TCN1: variants seen among roughly 807,000 people sequenced by gnomAD.
TCN1 encodes transcobalamin 1, also known as transcobalamin-1.
Under a neutral mutation model 46.3 loss-of-function variants are expected in TCN1, and 47 were observed. The ratio of observed to expected loss-of-function variants is 1.01; its 90% CI spans 0.80 to 1.29. TCN1 has a LOEUF of 1.29. Ranked by LOEUF, TCN1 falls within the 50% of genes most tolerant of loss-of-function variation. TCN1 has a pLI of 0.00. For missense variants in TCN1, 532 were observed against 511.0 expected, an observed-to-expected ratio of 1.04 and a Z score of -0.40; for synonymous variants, 183 against 192.5, an observed-to-expected ratio of 0.95 and a Z score of 0.41.
Position 59,854,853 on chromosome 11 carries a change from GC to G in TCN1, c.938-19del. On this transcript the variant is annotated intron_variant, in intron 6 of 8. Transcript: ENST00000257264. ...GAAGTTACCTGGCAGAGACAGAAAAGCCCAGAGCAATATTCAGAAAAATAAA... is the reference window on the plus strand; with the variant it reads ...GAAGTTACCTGGCAGAGACAGAAAAGCCAGAGCAATATTCAGAAAAATAAA... 1 of 1,613,688 alleles carries G rather than the reference GC, an allele frequency of 6.2e-7. No homozygotes were observed. Among genetic ancestry groups the G allele is most frequent in the Non-Finnish European group, 8.5e-7 (1 of 1,179,696 alleles).
Position 59,861,615 on chromosome 11 carries a change from C to T in TCN1, c.468G>A (p.Leu156=), listed in dbSNP as rs1165027116. ...CGGCGGTTGAGTAGTTCCCATTGAA[C>T]AGACACAAGGCCAAAACGTCCAGGC... ...QLSLDVLALC[L]FNGNYSTAEV... The change falls in exon 4 of 9, where the codon CTG becomes CTA. Residue 156 remains leucine, a synonymous_variant. Coordinates refer to ENST00000257264, the MANE Select transcript of TCN1 (RefSeq NM_001062.4). 6.2e-7 allele frequency: 1 copy of T among 1,614,124 alleles called. No homozygotes were observed. Among genetic ancestry groups the T allele is most frequent in the Admixed American group, 1.7e-5 (1 of 60,018 alleles).
intron 7 of TCN1, 117 bp downstream of exon 7, chr11:59,854,535 A>G: frequency 7.2e-6 from 8 of 1,113,544 alleles, no homozygotes; most frequent in Non-Finnish European, 1.1e-5. Flanking sequence ...GATGGACAGC[A>G]AAGCTACTGA....
chr11:59,866,386 A>G lies in TCN1; in HGVS notation c.79+6T>C, dbSNP rs1565215843. 1 of 1,613,206 alleles carries G rather than the reference A, an allele frequency of 6.2e-7. No homozygotes were observed. The highest frequency in any genetic ancestry group is 8.5e-7 in the Non-Finnish European group (1 of 1,179,314). ...CTAGAGTAATTTTAGCTCAAAGTTT[A>G]CTCACCACAAATCTCGCATAGTTGG... On this transcript the variant is annotated splice_donor_region_variant and intron_variant, in intron 1 of 8. Transcript: ENST00000257264.
At chr11:59,864,714 CA>C (rs1853054000) in intron 1 of TCN1, among the ~76,000 whole-genome samples, 1 of 152,064 alleles carries the variant, frequency 6.6e-6, no homozygotes, top group African/African-American at 2.4e-5. Context: ...GGAGGGAAGT[CA>C]CATTATACTG....
Position 59,866,410 on chromosome 11 carries a change from G to T in TCN1, c.61C>A (p.Gln21Lys). Residue 21 changes from glutamine to lysine, a missense_variant, in exon 1 of 9, where the codon CAA becomes AAA. Physicochemically the swap from Gln to Lys is moderately conservative, Grantham distance 53 (BLOSUM62 1). Coordinates refer to ENST00000257264, the MANE Select transcript of TCN1 (RefSeq NM_001062.4). ...TACTCACCACAAATCTCGCATAGTT[G>T]GCTTGGAATAAAAGAAAACAGTAAG... ...GLLLFSFIPSQLCEICEVSEE... is the reference protein window; with the variant it reads ...GLLLFSFIPSKLCEICEVSEE... 1 of 1,613,422 alleles carries T rather than the reference G, an allele frequency of 6.2e-7. No homozygotes were observed.
At chr11:59,862,901 T>G (rs1355394745) in intron 2 of TCN1, among the ~76,000 whole-genome samples, 179 bp from the exon 3 acceptor site, 1 of 152,196 alleles carries the variant, frequency 6.6e-6, no homozygotes, top group Non-Finnish European at 1.5e-5. Context: ...ATTTTGTCAT[T>G]GTGCAAACAT....
At chr11:59,866,284 A>G in intron 1 of TCN1, 108 bp downstream of exon 1, 3 of 1,164,052 alleles carry the variant, frequency 2.6e-6, no homozygotes, top group Non-Finnish European at 2.6e-6. Flanking sequence ...CCAACCACAT[A>G]CGAAACTGGA....
In TCN1 at chr11:59,862,676, C is replaced by CA; in HGVS notation, c.305dup (p.Leu102PhefsTer6). 3.1e-6 allele frequency: 5 copies of CA among 1,613,810 alleles called. No homozygotes were observed. The highest frequency in any genetic ancestry group is 4.2e-6 in the Non-Finnish European group (5 of 1,179,864). Reference sequence around the variant, plus strand: ...TTTCCTCAGCGTTACGACATACTCCCAAAGCCAGTATAATCAAGGCAAGCT... The same window carrying CA: ...TTTCCTCAGCGTTACGACATACTCCCAAAAGCCAGTATAATCAAGGCAAGCT... On this transcript the variant is annotated frameshift_variant, in exon 3 of 9. Coordinates refer to ENST00000257264, the MANE Select transcript of TCN1 (RefSeq NM_001062.4). LOFTEE classifies it high-confidence loss of function.
chr11:59,861,445 C>T, intron 4 of TCN1, 82 bp downstream of exon 4: 4 of 1,464,460 alleles, frequency 2.7e-6, no homozygotes, highest in Non-Finnish European at 3.8e-6. Context: ...AATCCAGGTA[C>T]TTACTGGTAG....
chr11:59,853,482 G>T (rs1019491373), intron 7 of TCN1, among the ~76,000 whole-genome samples, 161 bp from the exon 8 acceptor site: 1 of 152,148 alleles, frequency 6.6e-6, no homozygotes, highest in Non-Finnish European at 1.5e-5. Context: ...TTAGATATGA[G>T]CTGGGGATCA....
In TCN1 at chr11:59,853,244, G is replaced by A. The variant is rs780762247; in HGVS notation, c.1199C>T (p.Thr400Ile). The A allele has an allele frequency of 2.0e-5, 32 of 1,613,938 alleles. No homozygotes were observed. Among genetic ancestry groups the A allele is most frequent in the Non-Finnish European group, 2.5e-5 (29 of 1,180,018 alleles). The change falls in exon 8 of 9, where the codon ACC (threonine) becomes ATC (isoleucine). Residue 400 changes from threonine (T) to isoleucine (I), a missense_variant. Coordinates refer to ENST00000257264, the MANE Select transcript of TCN1 (RefSeq NM_001062.4). Reference sequence around the variant, plus strand: ...GCCTCCACTCAGAAGTTCCCAGTAGGTTCTGTCATTATTGTTGGCACATAG... The same window carrying A: ...GCCTCCACTCAGAAGTTCCCAGTAGATTCTGTCATTATTGTTGGCACATAG... ...QGLCANNNDR[T>I]YWELLSGGEP...
At position 59,856,077 on chromosome 11, in the gene TCN1, G is replaced by A; in HGVS notation, c.748-19C>T. ...AGAGGGCCTAATGAGGCAGGGTGGGGTGGGGGGGTGATGAGAGATAAAGAG... is the reference window on the plus strand; with the variant it reads ...AGAGGGCCTAATGAGGCAGGGTGGGATGGGGGGGTGATGAGAGATAAAGAG... On this transcript the variant is annotated intron_variant, in intron 5 of 8. Transcript: ENST00000257264. 6.9e-7 allele frequency: 1 copy of A among 1,445,498 alleles called. No homozygotes were observed. The highest frequency in any genetic ancestry group is 9.6e-7 in the Non-Finnish European group (1 of 1,036,458). 89.5% of individuals were successfully genotyped at this position (1,445,498 alleles called of 1,614,324 possible). A position where few individuals can be genotyped will look rare whatever the true frequency, so the allele number is the denominator to read the frequency against.
rs115542089 is a variant in TCN1, at chr11:59,856,803, A to T, written c.748-745T>A. Among the ~76,000 whole-genome samples the T allele has an allele frequency of 4.9e-3, 747 of 152,334 alleles. 2 individuals carry two copies. The highest frequency in any genetic ancestry group is 0.017 in the African/African-American group (719 of 41,572). The stretch of plus-strand genomic sequence containing the variant: ...GTCTGACCTCATTTGATTGACAACG[A>T]TGAGGAGGTGTCTGACATTATTTGA... On this transcript the variant is annotated intron_variant, in intron 5 of 8. Transcript: ENST00000257264.
At position 59,862,866 on chromosome 11, in the gene TCN1, A is replaced by G. The variant is rs115442273; in HGVS notation, c.260-144T>C. On this transcript the variant is annotated intron_variant, in intron 2 of 8. Transcript: ENST00000257264. ...TTGTGTCGCTTAATGATAGGGATAA[A>G]TTCTGAGAAACTGGTTGTTAAGCGA... The G allele has an allele frequency of 2.9e-3, 2,700 of 934,170 alleles. 37 individuals are homozygous for G. The highest frequency in any genetic ancestry group is 0.024 in the African/African-American group (1,455 of 60,158). The allele number at this position is 934,170 out of a possible 1,614,324, so 57.9% of individuals were successfully genotyped here.
At chr11:59,856,844 C>T (rs1565213880) in intron 5 of TCN1, among the ~76,000 whole-genome samples, 2 of 152,138 alleles carry the variant, frequency 1.3e-5, no homozygotes, top group Non-Finnish European at 2.9e-5. Flanking sequence ...AATGGGGAGT[C>T]TAATTGTTCA....
At chr11:59,854,326 A>C (rs1025135559) in intron 7 of TCN1, among the ~76,000 whole-genome samples, 3 of 151,494 alleles carry the variant, frequency 2.0e-5, no homozygotes, top group African/African-American at 4.9e-5. Context: ...GGGGTCCGTG[A>C]TTCAAAAAGA....
chr11:59,862,423 CA>C (rs1303660708), intron 3 of TCN1, among the ~76,000 whole-genome samples, 158 bp downstream of exon 3: 5 of 151,886 alleles, frequency 3.3e-5, no homozygotes, highest in Admixed American at 3.3e-4. Flanking sequence ...AAAGAAAATT[CA>C]AGATGCATAC....
At position 59,862,604 on chromosome 11, in the gene TCN1, G is replaced by A. The variant is rs1853026978; in HGVS notation, c.378C>T (p.Phe126=). Residue 126 remains phenylalanine (F), a synonymous_variant, in exon 3 of 9, where the codon TTC becomes TTT. Coordinates refer to ENST00000257264, the MANE Select transcript of TCN1 (RefSeq NM_001062.4). ...TACCCATATTTTCAATTTCTGCTTG[G>A]AATTTATTTTCTAGCTTGTCGATCA... is the stretch of plus-strand genomic sequence containing the variant. ...YHLIDKLENK[F]QAEIENMEAH... is the part of the protein sequence containing the mutation. 6.2e-7 allele frequency: 1 copy of A among 1,613,310 alleles called. No homozygotes were observed. The highest frequency in any genetic ancestry group is 1.7e-5 in the Admixed American group (1 of 59,936).
chr11:59,856,883 T>C (rs181525607), intron 5 of TCN1, among the ~76,000 whole-genome samples: 12 of 152,294 alleles, frequency 7.9e-5, no homozygotes, highest in Middle Eastern at 3.4e-3. Flanking sequence ...GGCAGCAGAA[T>C]GTAAGCTTGA....
Sources: allele counts gnomAD v4.1 joint callset (sites outside exome capture counted in the v4.1 genomes callset), GRCh38; gene constraint gnomAD v4.1.1; transcripts MANE v1.5; gene names NCBI Gene and HGNC (gene_info 2026-07-23, HGNC 2026-07-21).